Variants in GNAS-AS1 observed in about 807,000 individuals in gnomAD.
GNAS-AS1 encodes GNAS antisense RNA 1.
Position 58,841,829 on chromosome 20 carries a change from T to C in GNAS-AS1, n.819+108A>G, listed in dbSNP as rs1304129028. 1 of 1,230,864 alleles carries C rather than the reference T, an allele frequency of 8.1e-7. No homozygotes were observed. Among genetic ancestry groups the C allele is most frequent in the Non-Finnish European group, 1.0e-6 (1 of 987,938 alleles). The allele number at this position is 1,230,864 out of a possible 1,614,324, so 76.2% of individuals were successfully genotyped here. The stretch of plus-strand genomic sequence containing the variant: ...GCTTAGCAGGAGACGTCCTGGGCTG[T>C]TTGCGCAGGACCTCTGGAGGCCCTC... On this transcript the variant is annotated intron_variant and non_coding_transcript_variant, in intron 4 of 4. Transcript: ENST00000424094. The surrounding 1 kb of genome is among the most constrained non-coding windows in gnomAD (Gnocchi z 5.0).
In GNAS-AS1 at chr20:58,840,237, C is replaced by T. The variant is rs755781835; in HGVS notation, n.819+1700G>A. On this transcript the variant is annotated intron_variant and non_coding_transcript_variant, in intron 4 of 4. Transcript: ENST00000424094. The surrounding 1 kb of genome is among the most constrained non-coding windows in gnomAD (Gnocchi z 6.0). ...TCCTGCTCCATCGCGCTCCTCCGCG[C>T]CCTTGCCACCTCCAACGCCCGTGCC... 4 of 1,611,160 alleles carry T rather than the reference C, an allele frequency of 2.5e-6. No homozygotes were observed. The highest frequency in any genetic ancestry group is 3.4e-6 in the Non-Finnish European group (4 of 1,179,802).
At position 58,841,646 on chromosome 20, in the gene GNAS-AS1, C is replaced by A. The variant is rs2085733487; in HGVS notation, n.819+291G>T. 1.8e-6 allele frequency: 2 copies of A among 1,109,136 alleles called. No individual in the cohort carries two copies. The highest frequency in any genetic ancestry group is 2.2e-6 in the Non-Finnish European group (2 of 909,924). The allele number at this position is 1,109,136 out of a possible 1,614,324, so 68.7% of individuals were successfully genotyped here. ...CGCCGGAGCTGACCTCTCCCGGCGG[C>A]GGGCGGTTAGGGGAAAGTACCTGGG... On this transcript the variant is annotated intron_variant and non_coding_transcript_variant, in intron 4 of 4. Coordinates refer to ENST00000424094, the Ensembl canonical transcript of GNAS-AS1. The surrounding 1 kb of genome is among the most constrained non-coding windows in gnomAD (Gnocchi z 5.0).
In GNAS-AS1 at chr20:58,840,622, C is replaced by G. The variant is rs953102685; in HGVS notation, n.819+1315G>C. The G allele has an allele frequency of 1.2e-6, 2 of 1,607,870 alleles. No individual in the cohort carries two copies. Among genetic ancestry groups the G allele is most frequent in the East Asian group, 2.2e-5 (1 of 44,788 alleles). ...ACGCTCTCAAGTTGCGAAGCCCCGA[C>G]GCCTCCCCAAGTCGCGCGCCGCCCA... On this transcript the variant is annotated intron_variant and non_coding_transcript_variant, in intron 4 of 4. Transcript: ENST00000424094. This position sits in a 1 kb window ranked among gnomAD's most constrained non-coding sequence, Gnocchi z 6.0.
At chr20:58,839,440 A>G (rs911441117) in intron 4 of GNAS-AS1, 1 of 400,154 alleles carries the variant, frequency 2.5e-6, no homozygotes, top group Non-Finnish European at 4.4e-6. Flanking sequence ...TATTTCCCCA[A>G]TAACTGGGGA....
chr20:58,835,926 C>A (rs1163019563), intron 4 of GNAS-AS1, among the ~76,000 whole-genome samples: 1 of 129,120 alleles, frequency 7.7e-6, no homozygotes, highest in Non-Finnish European at 1.7e-5. Context: ...CCTCCACGCC[C>A]TGCCTTGGTG....
intron 4 of GNAS-AS1, among the ~76,000 whole-genome samples, chr20:58,821,790 GA>G (rs1303756539): frequency 2.0e-5 from 3 of 152,174 alleles, no homozygotes; most frequent in Non-Finnish European, 2.9e-5. Flanking sequence ...ATGAGCAAGA[GA>G]GAACTCTGAC....
chr20:58,847,174 G>A (rs962967284), intron 2 of GNAS-AS1, among the ~76,000 whole-genome samples: 106 of 152,162 alleles, frequency 7.0e-4, no homozygotes, highest in African/African-American at 2.4e-3. Context: ...CTGAGTGAAG[G>A]GGTCTGAACT....
At chr20:58,833,786 G>A (rs554700469) in intron 4 of GNAS-AS1, 1 of 152,328 alleles carries the variant, frequency 6.6e-6, no homozygotes, top group Non-Finnish European at 1.5e-5. Context: ...GAAAAATGAA[G>A]CCAAGCGAAA....
chr20:58,839,187 G>T (rs2085641971), intron 4 of GNAS-AS1: 2 of 398,444 alleles, frequency 5.0e-6, no homozygotes, highest in Non-Finnish European at 8.8e-6. Flanking sequence ...TGAAGAAGAT[G>T]AGGTAATTAG....
chr20:58,827,306 T>C (rs1278964027), intron 4 of GNAS-AS1, among the ~76,000 whole-genome samples: 1 of 152,184 alleles, frequency 6.6e-6, no homozygotes, highest in Admixed American at 6.5e-5. Flanking sequence ...GGCCTGGGGA[T>C]GCCACAGGTC....
intron 4 of GNAS-AS1, among the ~76,000 whole-genome samples, chr20:58,830,324 TCATCACCACCAC>T (rs1158056362): frequency 1.1e-4 from 8 of 74,984 alleles, no homozygotes; most frequent in Non-Finnish European, 1.6e-4. Context: ...CACACCATCA[TCATCACCACCAC>T]CATCACCACC....
chr20:58,832,289 C>G (rs2145459007), intron 4 of GNAS-AS1, among the ~76,000 whole-genome samples: 1 of 152,092 alleles, frequency 6.6e-6, no homozygotes, highest in South Asian at 2.1e-4. Context: ...ATGAAGAAAA[C>G]ACAAATCCTT....
Position 58,828,419 on chromosome 20 carries a change from G to A in GNAS-AS1, n.820-9164C>T, listed in dbSNP as rs973058523. Among the ~76,000 whole-genome samples the A allele has an allele frequency of 2.6e-5, 4 of 152,206 alleles. No homozygotes were observed. In the South Asian group the frequency reaches 6.2e-4, roughly 24 times the overall value. ...CCCTTGGCTCATGTTCCACCTTCAC[G>A]GGAAGATTCTCTGCTTGGTGTAGTA... On this transcript the variant is annotated intron_variant and non_coding_transcript_variant, in intron 4 of 4. Transcript: ENST00000424094.
At chr20:58,845,279 A>T (rs1368402144) in intron 2 of GNAS-AS1, among the ~76,000 whole-genome samples, 1 of 152,204 alleles carries the variant, frequency 6.6e-6, no homozygotes, top group Non-Finnish European at 1.5e-5. Context: ...AATGGTATAG[A>T]AGCTACAGCT....
At position 58,840,996 on chromosome 20, in the gene GNAS-AS1, G is replaced by A. The variant is rs1347406783; in HGVS notation, n.819+941C>T. On this transcript the variant is annotated intron_variant and non_coding_transcript_variant, in intron 4 of 4. Transcript: ENST00000424094. The surrounding 1 kb of genome is among the most constrained non-coding windows in gnomAD (Gnocchi z 6.0). ...TCAGGGGCGAGTGGGAAGAGAGGAG[G>A]CTCAGCTGGTCAGCCTGGGATCGGG... The A allele has an allele frequency of 9.0e-6, 11 of 1,216,736 alleles. No individual in the cohort carries two copies. The highest frequency in any genetic ancestry group is 1.3e-5 in the Non-Finnish European group (11 of 852,538). The allele number at this position is 1,216,736 out of a possible 1,614,324, so 75.4% of individuals were successfully genotyped here. A position where few individuals can be genotyped will look rare whatever the true frequency, so the allele number is the denominator to read the frequency against.
intron 2 of GNAS-AS1, among the ~76,000 whole-genome samples, chr20:58,847,973 C>A (rs557967402): frequency 6.6e-6 from 1 of 152,214 alleles, no homozygotes; most frequent in Non-Finnish European, 1.5e-5. Context: ...GCATCACGTG[C>A]GGCTTCCAAG....
At chr20:58,824,764 A>G (rs1240667709) in intron 4 of GNAS-AS1, among the ~76,000 whole-genome samples, 1 of 152,190 alleles carries the variant, frequency 6.6e-6, no homozygotes, top group Non-Finnish European at 1.5e-5. Context: ...ACATTTTATC[A>G]TGCATGCATT....
rs943741858 is a variant in GNAS-AS1 at position 58,831,258 on chromosome 20, C to T, written n.819+10679G>A. ...GAACAGTGGCATAAGCCACTGTGCC[C>T]GGCCAGACCACGCTAATATTTCAAA... On this transcript the variant is annotated intron_variant and non_coding_transcript_variant, in intron 4 of 4. Coordinates refer to ENST00000424094, the Ensembl canonical transcript of GNAS-AS1. Among the ~76,000 whole-genome samples, 19 of 152,208 alleles carry T rather than the reference C, an allele frequency of 1.2e-4. No individual in the cohort carries two copies. In the East Asian group the frequency reaches 2.7e-3, roughly 22 times the overall value.
chr20:58,820,151 G>C (rs541143512), intron 4 of GNAS-AS1, among the ~76,000 whole-genome samples: 1 of 152,232 alleles, frequency 6.6e-6, no homozygotes, highest in African/African-American at 2.4e-5. Flanking sequence ...GATGGTGTGC[G>C]CCAGCCACCC....
Sources: gnomAD v4.1 joint callset for allele counts (sites outside exome capture counted in the v4.1 genomes callset) on GRCh38, gnomAD v4.1.1 for gene constraint, Gnocchi (gnomAD v3.1) non-coding constraint, MANE v1.5 for transcripts, NCBI Gene and HGNC (gene_info 2026-07-23, HGNC 2026-07-21) for gene names.